CCDC7: variants seen among roughly 807,000 people sequenced by gnomAD.
CCDC7 encodes the protein coiled-coil domain containing 7.
CCDC7 carries 183 observed loss-of-function variants against 196.9 expected under a neutral mutation model. That is an observed-to-expected ratio of 0.93 (90% CI 0.82 to 1.05). The LOEUF (loss-of-function observed/expected upper bound fraction) is 1.05. Among genes scored for constraint, CCDC7 ranks in the 50% least tolerant of loss-of-function variants. CCDC7 has a pLI of 0.00. For synonymous variants in CCDC7, 525 were observed against 484.6 expected (o/e 1.08, Z -1.10); for missense variants, 1,540 against 1,482.2 (o/e 1.04, Z -0.64).
At chr10:32,800,012 C>T (rs1408060298) in intron 29 of CCDC7, among the ~76,000 whole-genome samples, 1 of 152,160 alleles carries the variant, frequency 6.6e-6, no homozygotes, top group Non-Finnish European at 1.5e-5. Flanking sequence ...TGGCCACATA[C>T]CAGGTATCAG....
intron 23 of CCDC7, among the ~76,000 whole-genome samples, chr10:32,694,151 A>G (rs2095919466): frequency 6.6e-6 from 1 of 152,204 alleles, no homozygotes; most frequent in South Asian, 2.1e-4. Context: ...GAATAAATCA[A>G]GAAGTTTATT....
intron 18 of CCDC7, among the ~76,000 whole-genome samples, chr10:32,608,904 T>C (rs932098781): frequency 3.3e-5 from 5 of 152,228 alleles, no homozygotes; most frequent in Admixed American, 1.3e-4. Context: ...TGTTGTTTAA[T>C]TTCTATGTAT....
chr10:32,496,739 G>A (rs1444321509), intron 9 of CCDC7, among the ~76,000 whole-genome samples: 2 of 152,162 alleles, frequency 1.3e-5, no homozygotes, highest in Non-Finnish European at 2.9e-5. Flanking sequence ...CAGGAATGAA[G>A]CCCACTGGAT....
intron 18 of CCDC7, among the ~76,000 whole-genome samples, chr10:32,606,957 A>G (rs190541017): frequency 2.0e-5 from 3 of 152,184 alleles, no homozygotes; most frequent in African/African-American, 4.8e-5. Flanking sequence ...TATGGTTTGG[A>G]TATCTGTTCC....
intron 28 of CCDC7, among the ~76,000 whole-genome samples, chr10:32,740,727 T>G (rs1399274933): frequency 6.6e-6 from 1 of 152,232 alleles, no homozygotes; most frequent in African/African-American, 2.4e-5. Flanking sequence ...TTTTGGTGGC[T>G]CCAAGTTCTT....
At chr10:32,597,357 G>C (rs545885530) in intron 18 of CCDC7, among the ~76,000 whole-genome samples, 2 of 152,122 alleles carry the variant, frequency 1.3e-5, no homozygotes, top group Non-Finnish European at 2.9e-5. Context: ...TCGTGCCATG[G>C]TTTTCAGCTC....
intron 11 of CCDC7, among the ~76,000 whole-genome samples, chr10:32,519,809 C>G (rs1480129297): frequency 6.6e-6 from 1 of 151,926 alleles, no homozygotes; most frequent in African/African-American, 2.4e-5. Context: ...CTATCAAATA[C>G]TAAGTCTTAT....
At chr10:32,719,142 A>AACCAAAACAGCATGGTACTGGT in intron 25 of CCDC7, among the ~76,000 whole-genome samples, 1 of 152,332 alleles carries the variant, frequency 6.6e-6, no homozygotes, top group Non-Finnish European at 1.5e-5. Flanking sequence ...AGGCTACAGT[A>AACCAAAACAGCATGGTACTGGT]ACCAAAACAG....
At position 32,531,232 on chromosome 10, in the gene CCDC7, T is replaced by TC. The variant is rs1310902992; in HGVS notation, c.994-12063dup. 1.6e-4 allele frequency among the ~76,000 whole-genome samples: 24 copies of TC among 152,082 alleles called. No individual in the cohort carries two copies. The South Asian group carries it at 2.7e-3, about 17-fold the overall frequency. The stretch of plus-strand genomic sequence containing the variant: ...TGGCCTCCTGGGCTCAAGCAATCCT[T>TC]CCCCCTCAGCTTCCCTAGTAGCTGG... On this transcript the variant is annotated intron_variant, in intron 11 of 41. Transcript: ENST00000639629.
intron 13 of CCDC7, among the ~76,000 whole-genome samples, chr10:32,557,794 T>C (rs1245414663): frequency 6.6e-6 from 1 of 152,126 alleles, no homozygotes; most frequent in Non-Finnish European, 1.5e-5. Flanking sequence ...TGGGCTCAAA[T>C]GATCCTCCTG....
At chr10:32,587,885 T>C (rs2059436716) in intron 18 of CCDC7, among the ~76,000 whole-genome samples, 1 of 152,216 alleles carries the variant, frequency 6.6e-6, no homozygotes, top group Non-Finnish European at 1.5e-5. Context: ...ATGGTTTGAA[T>C]GTATACCCTA....
rs150762714 is a variant in CCDC7 at position 32,472,816 on chromosome 10, G to A, written c.739+274G>A. On this transcript the variant is annotated intron_variant, in intron 7 of 41. Transcript: ENST00000639629. ...TCACTATGTCGCCCAGGCTGGTCTT[G>A]AACTTCTGGCCTCAAGTGATCCTCC... Among the ~76,000 whole-genome samples, 316 of 150,938 alleles carry A rather than the reference G, an allele frequency of 2.1e-3. 1 individual carries two copies. The highest frequency in any genetic ancestry group is 7.2e-3 in the African/African-American group (297 of 41,056).
At chr10:32,448,921 A>G (rs2032208597), upstream of CCDC7, among the ~76,000 whole-genome samples, 2 of 151,976 alleles carry the variant, frequency 1.3e-5, no homozygotes, top group Admixed American at 6.6e-5. Context: ...TGATCTTTGC[A>G]TTATTTTTTA....
At chr10:32,567,762 G>A (rs1343570928) in exon 15 of CCDC7, 1 of 1,613,412 alleles carries the variant, frequency 6.2e-7, no homozygotes, top group Admixed American at 1.7e-5. Context: ...CAATGCAAGT[G>A]GGTAATAGTC....
At chr10:32,664,777 G>T (rs2140474572) in intron 21 of CCDC7, among the ~76,000 whole-genome samples, 1 of 152,112 alleles carries the variant, frequency 6.6e-6, no homozygotes, top group East Asian at 1.9e-4. Context: ...AGTGAACATG[G>T]GAGTACAAAT....
rs538206442 is a variant in CCDC7 at position 32,542,238 on chromosome 10, A to G, written c.994-1062A>G. ...AAAACCTGATTAGTTCTGCTATAAT[A>G]TTTGTTTTGAAATGCAAACTTGTTC... On this transcript the variant is annotated intron_variant, in intron 11 of 41. Transcript: ENST00000639629. Among the ~76,000 whole-genome samples the G allele has an allele frequency of 3.3e-5, 5 of 152,338 alleles. No individual in the cohort carries two copies. In the South Asian group the frequency reaches 1.0e-3, roughly 32 times the overall value.
At chr10:32,656,952 C>A (rs2140282944) in intron 20 of CCDC7, among the ~76,000 whole-genome samples, 1 of 152,350 alleles carries the variant, frequency 6.6e-6, no homozygotes, top group African/African-American at 2.4e-5. Context: ...TTGGCCACAA[C>A]AAAGAGGCTA....
At chr10:32,540,484 C>G (rs1342942675) in intron 11 of CCDC7, among the ~76,000 whole-genome samples, 1 of 152,184 alleles carries the variant, frequency 6.6e-6, no homozygotes, top group African/African-American at 2.4e-5. Context: ...CAGCTTGCCA[C>G]TCTGTACCTT....
intron 24 of CCDC7, among the ~76,000 whole-genome samples, chr10:32,706,089 T>C (rs529111277): frequency 3.3e-5 from 5 of 152,150 alleles, no homozygotes; most frequent in African/African-American, 1.2e-4. Flanking sequence ...CCTCAGCAAA[T>C]GTAAAAGCAA....
Sources: allele counts gnomAD v4.1 joint callset (sites outside exome capture counted in the v4.1 genomes callset), GRCh38; gene constraint gnomAD v4.1.1; transcripts MANE v1.5; gene names NCBI Gene and HGNC (gene_info 2026-07-23, HGNC 2026-07-21).